Variants in HS2ST1 observed in about 807,000 individuals in gnomAD.
The protein encoded by HS2ST1 is 2-O-sulfotransferase.
Under a neutral mutation model 42.9 loss-of-function variants are expected in HS2ST1, and 18 were observed. That is an observed-to-expected ratio of 0.42 (90% CI 0.29 to 0.62). The LOEUF (loss-of-function observed/expected upper bound fraction) is 0.62. HS2ST1 is among the 20% of genes least tolerant of loss of function. HS2ST1 has a pLI of 0.21. For synonymous variants in HS2ST1, 146 were observed against 152.9 expected (o/e 0.95, Z 0.33); for missense variants, 334 against 433.8 (o/e 0.77, Z 2.04).
At chr1:86,964,706 A>G (rs780886040) in intron 1 of HS2ST1, among the ~76,000 whole-genome samples, 1 of 152,236 alleles carries the variant, frequency 6.6e-6, no homozygotes, top group African/African-American at 2.4e-5. Context: ...CTTTAAGAAT[A>G]TTCTTTAGTA....
rs566085844 is a variant in HS2ST1 at position 87,046,495 on chromosome 1, A to G, written c.125-26439A>G. ...CTAAGGAATGGGCTAAATCAACTGG[A>G]TATAATCCAGTTAAACTTTTTACCA... On this transcript the variant is annotated intron_variant, in intron 1 of 6. Coordinates refer to ENST00000370550, the MANE Select transcript of HS2ST1 (RefSeq NM_012262.4). 1.3e-5 allele frequency: 16 copies of G among 1,252,760 alleles called. No individual in the cohort carries two copies. In the East Asian group the frequency reaches 2.6e-4, roughly 20 times the overall value. The allele number at this position is 1,252,760 out of a possible 1,614,324, so 77.6% of individuals were successfully genotyped here. A position where few individuals can be genotyped will look rare whatever the true frequency, so the allele number is the denominator to read the frequency against.
At chr1:87,100,418 A>G (rs1045279684) in intron 5 of HS2ST1, among the ~76,000 whole-genome samples, 2 of 152,304 alleles carry the variant, frequency 1.3e-5, no homozygotes, top group South Asian at 2.1e-4. Flanking sequence ...TCAGGGCAGC[A>G]GGACCCTGGG....
intron 1 of HS2ST1, among the ~76,000 whole-genome samples, chr1:87,011,177 A>G (rs1334805345): frequency 6.6e-6 from 1 of 152,158 alleles, no homozygotes; most frequent in African/African-American, 2.4e-5. Flanking sequence ...CTTCCTGTCA[A>G]ATCAAAAAGC....
chr1:87,100,237 G>C (rs967795060), intron 5 of HS2ST1, among the ~76,000 whole-genome samples: 1 of 152,162 alleles, frequency 6.6e-6, no homozygotes, highest in African/African-American at 2.4e-5. Flanking sequence ...TGGAATGCAA[G>C]CTCCTTCATG....
intron 1 of HS2ST1, among the ~76,000 whole-genome samples, chr1:86,997,875 CTT>C (rs1649153187): frequency 6.6e-6 from 1 of 152,152 alleles, no homozygotes; most frequent in African/African-American, 2.4e-5. Flanking sequence ...CAATTTAAAA[CTT>C]TTGAATTCTT....
At chr1:86,997,206 G>A (rs1649127916) in intron 1 of HS2ST1, among the ~76,000 whole-genome samples, 1 of 152,140 alleles carries the variant, frequency 6.6e-6, no homozygotes, top group African/African-American at 2.4e-5. Flanking sequence ...GTGGGGGTTG[G>A]GGGTGAGAGG....
chr1:86,969,963 T>G (rs1648181012), intron 1 of HS2ST1, among the ~76,000 whole-genome samples: 1 of 151,990 alleles, frequency 6.6e-6, no homozygotes. Context: ...TCGTCTCTAC[T>G]AAATATACAA....
intron 1 of HS2ST1, among the ~76,000 whole-genome samples, chr1:87,005,571 T>C (rs1053267443): frequency 6.6e-6 from 1 of 152,172 alleles, no homozygotes; most frequent in Admixed American, 6.5e-5. Flanking sequence ...AATTGTGGAT[T>C]CAATAATTAA....
chr1:87,057,565 C>CTT (rs33933183), intron 1 of HS2ST1, among the ~76,000 whole-genome samples: 3,377 of 141,294 alleles, frequency 0.024, 98 homozygotes, highest in African/African-American at 0.067. Context: ...CCAGAAGGCA[C>CTT]TTTTTTTTTT....
chr1:86,941,834 C>G (rs1004608185), intron 1 of HS2ST1, among the ~76,000 whole-genome samples: 6 of 152,132 alleles, frequency 3.9e-5, no homozygotes, highest in African/African-American at 1.4e-4. Flanking sequence ...GCTACTGAAC[C>G]TGTTTTCCTC....
intron 1 of HS2ST1, among the ~76,000 whole-genome samples, chr1:86,945,242 AAG>A (rs1252146472): frequency 6.6e-6 from 1 of 152,174 alleles, no homozygotes; most frequent in African/African-American, 2.4e-5. Flanking sequence ...TGCTCAACAT[AAG>A]AGATGTGATA....
At chr1:87,045,333 A>G (rs1473467274) in intron 1 of HS2ST1, 2 of 1,261,072 alleles carry the variant, frequency 1.6e-6, no homozygotes, top group Non-Finnish European at 1.2e-6. Context: ...CCAAATTCTG[A>G]CAACTTCTTG....
At chr1:86,965,159 G>A (rs1648008148) in intron 1 of HS2ST1, among the ~76,000 whole-genome samples, 1 of 152,156 alleles carries the variant, frequency 6.6e-6, no homozygotes, top group Admixed American at 6.5e-5. Context: ...AAGGAAATCA[G>A]GATGACTGGA....
intron 1 of HS2ST1, among the ~76,000 whole-genome samples, chr1:86,991,372 A>C (rs184991932): frequency 6.6e-6 from 1 of 152,344 alleles, no homozygotes; most frequent in Admixed American, 6.5e-5. Flanking sequence ...CAGAAAAAGG[A>C]AAATGCGTAC....
At chr1:87,043,288 T>TA (rs1441284535) in intron 1 of HS2ST1, among the ~76,000 whole-genome samples, 4 of 152,066 alleles carry the variant, frequency 2.6e-5, no homozygotes, top group East Asian at 1.9e-4. Flanking sequence ...TTATTCTGGG[T>TA]AAAAAATAAT....
chr1:87,022,683 T>C (rs1649982373), intron 1 of HS2ST1, among the ~76,000 whole-genome samples: 1 of 152,166 alleles, frequency 6.6e-6, no homozygotes, highest in African/African-American at 2.4e-5. Context: ...ATTAATAAGA[T>C]TTAAAAAGCT....
intron 1 of HS2ST1, chr1:86,958,629 T>C (rs1647739615): frequency 6.6e-6 from 1 of 152,200 alleles, no homozygotes; most frequent in Admixed American, 6.5e-5. Context: ...TGTTTTATTT[T>C]AAAAAATCTC....
intron 1 of HS2ST1, chr1:87,045,996 T>A: frequency 1.4e-6 from 1 of 704,424 alleles, no homozygotes; most frequent in East Asian, 3.4e-5. Flanking sequence ...TGTTGGAAGA[T>A]CAAAGGCACA....
intron 1 of HS2ST1, among the ~76,000 whole-genome samples, chr1:87,039,823 G>A (rs1650474559): frequency 6.6e-6 from 1 of 152,134 alleles, no homozygotes; most frequent in South Asian, 2.1e-4. Context: ...TCTAGACTAG[G>A]TGCCAAAGCA....
Sources: gnomAD v4.1 joint callset for allele counts (sites outside exome capture counted in the v4.1 genomes callset) on GRCh38, gnomAD v4.1.1 for gene constraint, MANE v1.5 for transcripts, NCBI Gene and HGNC (gene_info 2026-07-23, HGNC 2026-07-21) for gene names.